Variants in MYBPC1 observed in about 807,000 individuals in gnomAD.
MYBPC1 encodes the protein myosin binding protein C1.
Under a neutral mutation model 147.1 loss-of-function variants are expected in MYBPC1, and 52 were observed. That is an observed-to-expected ratio of 0.35 (90% confidence interval 0.28 to 0.45). The LOEUF is 0.45. MYBPC1 is among the 20% of genes least tolerant of loss of function. The probability of loss-of-function intolerance (pLI) is 1.00; values close to 1 mark genes in which losing one functional copy is unlikely to be tolerated. For synonymous variants in MYBPC1, 477 were observed against 475.9 expected (o/e 1.00, Z -0.03); for missense variants, 1,228 against 1,440.3 (o/e 0.85, Z 2.39).
intron 24 of MYBPC1, among the ~76,000 whole-genome samples, chr12:101,670,667 T>C (rs188481739): frequency 1.3e-3 from 203 of 152,348 alleles, no homozygotes; most frequent in African/African-American, 4.7e-3. Context: ...GCTCAGCGAC[T>C]ATGGTGGGCA....
intron 12 of MYBPC1, among the ~76,000 whole-genome samples, chr12:101,645,181 T>C (rs1473570231): frequency 1.3e-5 from 2 of 152,226 alleles, no homozygotes; most frequent in African/African-American, 4.8e-5. Flanking sequence ...GACTTTTGCT[T>C]TTCCAAAATA....
intron 25 of MYBPC1, 31 bp from the exon 26 acceptor site, chr12:101,675,261 C>G (rs1217763358): frequency 1.2e-6 from 2 of 1,613,344 alleles, no homozygotes; most frequent in Non-Finnish European, 1.7e-6. Context: ...AGAAAGTGAC[C>G]TTGCAGTGAC....
intron 1 of MYBPC1, chr12:101,600,546 A>G (rs1156700640): frequency 1.3e-5 from 2 of 152,188 alleles, no homozygotes; most frequent in African/African-American, 2.4e-5. Flanking sequence ...TCAATTTTGT[A>G]TGGTTGTGAG....
intron 22 of MYBPC1, chr12:101,666,490 C>T: frequency 2.2e-6 from 1 of 458,372 alleles, no homozygotes; most frequent in South Asian, 2.1e-5. Flanking sequence ...TTCTCCTCTT[C>T]TCTATTCTTT....
At chr12:101,671,442 A>G (rs1474568591) in intron 24 of MYBPC1, among the ~76,000 whole-genome samples, 1 of 152,152 alleles carries the variant, frequency 6.6e-6, no homozygotes, top group Non-Finnish European at 1.5e-5. Context: ...AATTCAGGCC[A>G]TCCTCATTGC....
At chr12:101,608,889 G>A (rs1012295917) in intron 1 of MYBPC1, among the ~76,000 whole-genome samples, 2 of 152,240 alleles carry the variant, frequency 1.3e-5, no homozygotes, top group East Asian at 1.9e-4. Context: ...AGCGGGAGGG[G>A]AACCAATGAA....
At chr12:101,627,674 C>G (rs1217332502) in intron 4 of MYBPC1, 95 bp from the exon 5 acceptor site, 4 of 1,385,726 alleles carry the variant, frequency 2.9e-6, no homozygotes, top group East Asian at 4.6e-5. Context: ...CCAGAGGAGA[C>G]AGGGTTTAGG....
At chr12:101,663,696 G>A (rs2136496111) in intron 22 of MYBPC1, 136 bp downstream of exon 22, 2 of 1,039,240 alleles carry the variant, frequency 1.9e-6, no homozygotes, top group South Asian at 2.8e-5. Flanking sequence ...TCATCCTTCT[G>A]AGATGTATAT....
At chr12:101,633,954 T>C (rs1890472039) in intron 8 of MYBPC1, among the ~76,000 whole-genome samples, 1 of 150,250 alleles carries the variant, frequency 6.7e-6, no homozygotes, top group Non-Finnish European at 1.5e-5. Flanking sequence ...TGGAGTGCAG[T>C]GGCGCGATCT....
chr12:101,634,484 C>T lies in MYBPC1; in HGVS notation c.557-70C>T. 3.2e-6 allele frequency: 4 copies of T among 1,245,396 alleles called. No homozygotes were observed. The South Asian group carries it at 4.8e-5, about 15-fold the overall frequency. The allele number at this position is 1,245,396 out of a possible 1,614,324, so 77.1% of individuals were successfully genotyped here. On this transcript the variant is annotated intron_variant, in intron 8 of 31. Transcript: ENST00000361466. ...CTTCCATCTAAAGAATCCCCACAGC[C>T]TATAAAGGAACTGAACACAAACTAC...
At chr12:101,692,665 T>C in the MYBPC1 span, among the ~76,000 whole-genome samples, 2 of 104,044 alleles carry the variant, frequency 1.9e-5, no homozygotes, top group Non-Finnish European at 4.7e-5. Flanking sequence ...TGAGCTACTA[T>C]GTTAAGATAA....
chr12:101,679,863 A>G (rs1950824165), intron 28 of MYBPC1, among the ~76,000 whole-genome samples: 1 of 152,242 alleles, frequency 6.6e-6, no homozygotes, highest in South Asian at 2.1e-4. Context: ...ACATGGACCT[A>G]TGGATGACAT....
chr12:101,667,210 T>G (rs1286383178), intron 22 of MYBPC1, among the ~76,000 whole-genome samples: 1 of 152,244 alleles, frequency 6.6e-6, no homozygotes, highest in African/African-American at 2.4e-5. Context: ...CTTTTTCTCT[T>G]CATCAATGTG....
chr12:101,675,423 A>T lies in MYBPC1; in HGVS notation c.2941A>T (p.Lys981Ter). The T allele has an allele frequency of 6.2e-7, 1 of 1,614,168 alleles. No individual in the cohort carries two copies. Among genetic ancestry groups the T allele is most frequent in the Non-Finnish European group, 8.5e-7 (1 of 1,180,002 alleles). Residue 981 changes from lysine to a stop codon, truncating the protein, a stop_gained, in exon 26 of 32, where the codon AAG becomes TAG. Coordinates refer to ENST00000361466, the MANE Select transcript of MYBPC1 (RefSeq NM_002465.4). LOFTEE classifies it high-confidence loss of function. ...CTATACCATTCAGAAGGCTGACAAG[A>T]AGAGCATGGTAAGGTCTGGCTTTCT... ...TGYTIQKADK[K>*]SMEWFTVIEH... is the part of the protein sequence containing the mutation.
intron 26 of MYBPC1, among the ~76,000 whole-genome samples, chr12:101,676,474 G>T (rs1165100254): frequency 6.6e-6 from 1 of 152,126 alleles, no homozygotes; most frequent in African/African-American, 2.4e-5. Flanking sequence ...AATAATATCA[G>T]CTGGGAGCAG....
chr12:101,647,870 G>C (rs1011886721), intron 13 of MYBPC1, among the ~76,000 whole-genome samples, 175 bp from the exon 14 acceptor site: 1 of 152,200 alleles, frequency 6.6e-6, no homozygotes, highest in Admixed American at 6.5e-5. Context: ...CTGGACAGCA[G>C]AGTGAGACTC....
At chr12:101,633,714 C>T (rs144506475) in intron 8 of MYBPC1, among the ~76,000 whole-genome samples, 204 of 151,284 alleles carry the variant, frequency 1.3e-3, no homozygotes, top group African/African-American at 4.7e-3. Flanking sequence ...ACGAGCTCTT[C>T]GGTTAAAGCT....
In MYBPC1 at chr12:101,649,303, T is replaced by C. The variant is rs763522078; in HGVS notation, c.1240T>C (p.Tyr414His). The C allele has an allele frequency of 5.0e-6, 8 of 1,613,748 alleles. No individual in the cohort carries two copies. Among genetic ancestry groups the C allele is most frequent in the East Asian group, 2.2e-5 (1 of 44,866 alleles). The change falls in exon 15 of 32, where the codon TAC becomes CAC. Residue 414 changes from tyrosine (Y) to histidine (H), a missense_variant. By Grantham distance (83) the Tyr-to-His change is moderately conservative. Coordinates refer to ENST00000361466, the MANE Select transcript of MYBPC1 (RefSeq NM_002465.4). ...GATTATCCCTGGTCCAAAATCAAGA[T>C]ACCGAATTAGAGTTGAGGGTAAAAA... is the stretch of plus-strand genomic sequence containing the variant. ...EEIIPGPKSR[Y>H]RIRVEGKKHI...
chr12:101,668,950 G>A (rs374749265), intron 23 of MYBPC1, among the ~76,000 whole-genome samples: 15 of 152,170 alleles, frequency 9.9e-5, no homozygotes, highest in African/African-American at 3.1e-4. Flanking sequence ...TGCTGGGTGT[G>A]GTGGCACACG....
Sources: allele counts gnomAD v4.1 joint callset (sites outside exome capture counted in the v4.1 genomes callset), GRCh38; gene constraint gnomAD v4.1.1; transcripts MANE v1.5; gene names NCBI Gene and HGNC (gene_info 2026-07-23, HGNC 2026-07-21).